The following PI4KA variants were observed in gnomAD, a reference collection of about 807,000 sequenced individuals.
PI4KA encodes the protein phosphatidylinositol 4-kinase alpha.
PI4KA carries 122 observed loss-of-function variants against 271.4 expected under a neutral mutation model. That is an observed-to-expected ratio of 0.45 (90% CI 0.39 to 0.52). PI4KA has a LOEUF of 0.52. Among genes scored for constraint, PI4KA ranks in the 20% least tolerant of loss-of-function variants. The pLI is 0.00. For synonymous variants in PI4KA, 1,041 were observed against 1,078.8 expected, an observed-to-expected ratio of 0.96 and a Z score of 0.69; for missense variants, 1,969 against 2,769.1, an observed-to-expected ratio of 0.71 and a Z score of 6.48.
In PI4KA at chr22:20,796,811, T is replaced by C. The variant is rs189974968; in HGVS notation, c.2109-497A>G. Among the ~76,000 whole-genome samples the C allele has an allele frequency of 7.9e-5, 12 of 152,346 alleles. No individual in the cohort carries two copies. The East Asian group carries it at 1.7e-3, about 22-fold the overall frequency. ...GATGTCAGTATTTTTTCACATCCAA[T>C]GCTCAGCAAGTGTTCCAGGGTCCTG... On this transcript the variant is annotated intron_variant, in intron 17 of 54. Coordinates refer to ENST00000255882, the MANE Select transcript of PI4KA (RefSeq NM_058004.4).
At chr22:20,852,129 GTAAA>G (rs918211953) in intron 1 of PI4KA, among the ~76,000 whole-genome samples, 5 of 151,876 alleles carry the variant, frequency 3.3e-5, no homozygotes, top group African/African-American at 1.2e-4. Context: ...ATCTCAAAAA[GTAAA>G]TAAATAAATA....
In PI4KA at chr22:20,834,620, A is replaced by T; in HGVS notation, c.309T>A (p.Leu103=). Residue 103 remains leucine, a synonymous_variant, in exon 3 of 55, where the codon CTT becomes CTA. Transcript: ENST00000255882. ...KDCVVPYLLR[L]LKGLPKVYWV... ...AATACACTTTTGGAAGACCTTTGAGAAGTCGAAGAAGGTAAGGAACCACAC... is the reference window on the plus strand; with the variant it reads ...AATACACTTTTGGAAGACCTTTGAGTAGTCGAAGAAGGTAAGGAACCACAC... 1.2e-6 allele frequency: 2 copies of T among 1,610,150 alleles called. No individual in the cohort carries two copies. Among genetic ancestry groups the T allele is most frequent in the Non-Finnish European group, 1.7e-6 (2 of 1,176,404 alleles).
At chr22:20,780,230 C>A in intron 19 of PI4KA, 2 of 1,614,102 alleles carry the variant, frequency 1.2e-6, no homozygotes, top group Non-Finnish European at 1.7e-6. Context: ...GTTCTCACAG[C>A]AAACCCACAA....
chr22:20,759,572 T>C (rs1291480038), intron 23 of PI4KA, among the ~76,000 whole-genome samples: 1 of 151,598 alleles, frequency 6.6e-6, no homozygotes, highest in Non-Finnish European at 1.5e-5. Flanking sequence ...CTCGGCTTAT[T>C]TATTTATTTT....
At chr22:20,847,754 C>CAA (rs361953) in intron 1 of PI4KA, among the ~76,000 whole-genome samples, 54,697 of 138,208 alleles carry the variant, frequency 0.4, 10,557 homozygotes, top group African/African-American at 0.49. Flanking sequence ...GACCCTGTTT[C>CAA]AAAAAAAAAA....
At chr22:20,734,362 C>T (rs765339475) in intron 33 of PI4KA, 33 bp downstream of exon 33, 1 of 1,517,500 alleles carries the variant, frequency 6.6e-7, no homozygotes, top group Non-Finnish European at 9.0e-7. Context: ...AGGTGGAGCA[C>T]CCCACAGCCT....
chr22:20,766,208 T>C lies in PI4KA; in HGVS notation c.2329-515A>G, dbSNP rs954624620. 5.3e-5 allele frequency among the ~76,000 whole-genome samples: 8 copies of C among 152,140 alleles called. No individual in the cohort carries two copies. The East Asian group carries it at 9.6e-4, about 18-fold the overall frequency. ...GGCAGGGAGAGCACAAGAACTCTCA[T>C]GGGCCAGGCAGCACAAATTTTCCAA... On this transcript the variant is annotated intron_variant, in intron 19 of 54. Transcript: ENST00000255882.
chr22:20,841,576 T>C (rs777833806), intron 1 of PI4KA, among the ~76,000 whole-genome samples: 27 of 152,172 alleles, frequency 1.8e-4, no homozygotes, highest in Non-Finnish European at 1.5e-4. Flanking sequence ...CAGAGATCCA[T>C]GTAATGATTC....
chr22:20,771,726 T>C (rs1932883827), intron 19 of PI4KA, among the ~76,000 whole-genome samples: 1 of 151,858 alleles, frequency 6.6e-6, no homozygotes, highest in Non-Finnish European at 1.5e-5. Context: ...GGACTACAGA[T>C]GTGTGCCACC....
chr22:20,721,192 G>T lies in PI4KA; in HGVS notation c.5116+106C>A, dbSNP rs150307980. On this transcript the variant is annotated intron_variant, in intron 43 of 54. Transcript: ENST00000255882. ...GCAAAGGGTGGGAGTGGAGGGGTCG[G>T]TGAGCTGGGGCAGTGCAGGCTGGCG... is the stretch of plus-strand genomic sequence containing the variant. 686 of 1,203,908 alleles carry T rather than the reference G, an allele frequency of 5.7e-4. 3 individuals carry two copies. The African/African-American group carries it at 9.4e-3, about 16-fold the overall frequency. 74.6% of individuals were successfully genotyped at this position (1,203,908 alleles called of 1,614,324 possible). A position where few individuals can be genotyped will look rare whatever the true frequency, so the allele number is the denominator to read the frequency against.
At chr22:20,846,551 GA>G (rs1381070310) in intron 1 of PI4KA, among the ~76,000 whole-genome samples, 1 of 151,858 alleles carries the variant, frequency 6.6e-6, no homozygotes, top group East Asian at 1.9e-4. Context: ...AGAATATCAG[GA>G]AAAATAGCTG....
chr22:20,726,074 C>T (rs918781100), intron 42 of PI4KA, among the ~76,000 whole-genome samples: 2 of 152,300 alleles, frequency 1.3e-5, no homozygotes, highest in African/African-American at 2.4e-5. Flanking sequence ...ACATTTCTGT[C>T]GTTTAAGCTG....
chr22:20,720,723 G>A lies in PI4KA; in HGVS notation c.5116+575C>T, dbSNP rs188753841. Among the ~76,000 whole-genome samples the A allele has an allele frequency of 2.0e-3, 307 of 152,184 alleles. 1 individual carries two copies. Among genetic ancestry groups the A allele is most frequent in the African/African-American group, 7.3e-3 (303 of 41,528 alleles). ...GTGGAACGAGAATGAGAATCCAGCC[G>A]TCTTCTACAAGGAAATGCCACTCTT... On this transcript the variant is annotated intron_variant, in intron 43 of 54. Coordinates refer to ENST00000255882, the MANE Select transcript of PI4KA (RefSeq NM_058004.4).
At chr22:20,851,960 TA>T (rs1927036435) in intron 1 of PI4KA, among the ~76,000 whole-genome samples, 1 of 151,956 alleles carries the variant, frequency 6.6e-6, no homozygotes, top group Non-Finnish European at 1.5e-5. Flanking sequence ...CTGTCTCTAC[TA>T]AAAATACAAA....
chr22:20,798,377 T>A (rs934783516), intron 17 of PI4KA: 1 of 548,760 alleles, frequency 1.8e-6, no homozygotes, highest in Non-Finnish European at 3.3e-6. Context: ...AGAAAGGAGC[T>A]GAGACCTCGT....
intron 18 of PI4KA, among the ~76,000 whole-genome samples, chr22:20,794,089 T>C (rs1186321829): frequency 2.0e-5 from 3 of 152,212 alleles, no homozygotes; most frequent in Non-Finnish European, 4.4e-5. Flanking sequence ...ACACCTACTA[T>C]GTACTCACAA....
intron 41 of PI4KA, 141 bp downstream of exon 41, chr22:20,727,089 A>G (rs1329128498): frequency 1.1e-5 from 7 of 657,518 alleles, no homozygotes; most frequent in Non-Finnish European, 1.7e-5. Context: ...ATCTTCTACA[A>G]CTACTTGAGC....
At chr22:20,826,106 G>C (rs924706108) in intron 3 of PI4KA, among the ~76,000 whole-genome samples, 1 of 152,170 alleles carries the variant, frequency 6.6e-6, no homozygotes, top group East Asian at 1.9e-4. Context: ...ACTTTGGGAG[G>C]CTGAGGCAGG....
chr22:20,837,291 C>A (rs932989102), intron 2 of PI4KA, among the ~76,000 whole-genome samples: 23 of 152,148 alleles, frequency 1.5e-4, no homozygotes, highest in African/African-American at 4.8e-4. Flanking sequence ...ATGGGAGAAT[C>A]CCTTGAGCCC....
Sources: allele counts gnomAD v4.1 joint callset (sites outside exome capture counted in the v4.1 genomes callset), GRCh38; gene constraint gnomAD v4.1.1; transcripts MANE v1.5; gene names NCBI Gene and HGNC (gene_info 2026-07-23, HGNC 2026-07-21).